Variants in BAZ1B observed in about 807,000 individuals in gnomAD.
BAZ1B encodes the protein tyrosine-protein kinase BAZ1B.
A neutral mutation model predicts 153.8 loss-of-function variants in BAZ1B; 22 were observed. That is an observed-to-expected ratio of 0.14 (90% CI 0.10 to 0.20). BAZ1B has a LOEUF of 0.20. BAZ1B is among the 10% of genes least tolerant of loss of function. The probability of loss-of-function intolerance (pLI) is 1.00; values close to 1 mark genes in which losing one functional copy is unlikely to be tolerated. For missense variants in BAZ1B, 1,325 were observed against 1,799.3 expected (o/e 0.74, Z 4.77); for synonymous variants, 676 against 633.4 (o/e 1.07, Z -1.01).
At chr7:73,487,369 CA>C (rs1323847267) in intron 6 of BAZ1B, among the ~76,000 whole-genome samples, 1 of 152,140 alleles carries the variant, frequency 6.6e-6, no homozygotes, top group Non-Finnish European at 1.5e-5. Context: ...TTTCAGGCTG[CA>C]GTGAACTGTG....
At chr7:73,514,078 T>C (rs1256918766) in intron 1 of BAZ1B, among the ~76,000 whole-genome samples, 2 of 152,174 alleles carry the variant, frequency 1.3e-5, no homozygotes, top group Non-Finnish European at 2.9e-5. Flanking sequence ...GCATCCCAAA[T>C]CCAAATATCC....
intron 6 of BAZ1B, among the ~76,000 whole-genome samples, chr7:73,486,932 C>T (rs1009329656): frequency 1.3e-5 from 2 of 152,310 alleles, no homozygotes; most frequent in Admixed American, 6.5e-5. Flanking sequence ...AGGAAAAACA[C>T]AGCTTATATA....
intron 1 of BAZ1B, among the ~76,000 whole-genome samples, chr7:73,520,057 AAGTT>A (rs1420630461): frequency 2.0e-5 from 3 of 151,928 alleles, no homozygotes; most frequent in Admixed American, 6.6e-5. Flanking sequence ...AAAACACAAA[AAGTT>A]AGCCGGGCGT....
intron 12 of BAZ1B, among the ~76,000 whole-genome samples, chr7:73,460,947 C>T (rs1385338844): frequency 6.6e-6 from 1 of 151,006 alleles, no homozygotes; most frequent in Non-Finnish European, 1.5e-5. Flanking sequence ...ATAACAAGAC[C>T]TATCTCTCTC....
At chr7:73,515,963 G>A (rs1037405938) in intron 1 of BAZ1B, among the ~76,000 whole-genome samples, 7 of 152,032 alleles carry the variant, frequency 4.6e-5, no homozygotes, top group East Asian at 3.9e-4. Context: ...TGGCCAACAC[G>A]GTGAAACCCC....
Position 73,513,410 on chromosome 7 carries a change from G to C in BAZ1B, c.108-2558C>G, listed in dbSNP as rs556664522. Among the ~76,000 whole-genome samples, 10 of 152,248 alleles carry C rather than the reference G, an allele frequency of 6.6e-5. No homozygotes were observed. In the South Asian group the frequency reaches 1.9e-3, roughly 28 times the overall value. On this transcript the variant is annotated intron_variant, in intron 1 of 19. Transcript: ENST00000339594. ...CTTTCCCCAGATCTGCTAAAACTGA[G>C]TAATAAATCCATTTTCCTTACAGGG...
intron 9 of BAZ1B, among the ~76,000 whole-genome samples, chr7:73,468,197 T>G (rs574036486): frequency 5.3e-5 from 8 of 152,324 alleles, no homozygotes; most frequent in African/African-American, 1.9e-4. Context: ...TTCATTAGGT[T>G]ACAGACAGCA....
intron 13 of BAZ1B, among the ~76,000 whole-genome samples, chr7:73,458,856 C>A (rs551191417): frequency 6.6e-6 from 1 of 151,968 alleles, no homozygotes; most frequent in Non-Finnish European, 1.5e-5. Flanking sequence ...AGCAAATCAC[C>A]GCATACCAGC....
At chr7:73,475,910 C>T (rs1423537752) in intron 7 of BAZ1B, among the ~76,000 whole-genome samples, 1 of 128,224 alleles carries the variant, frequency 7.8e-6, no homozygotes, top group Non-Finnish European at 1.6e-5. Flanking sequence ...GGTGACAGAG[C>T]GAGACTCCAT....
intron 1 of BAZ1B, among the ~76,000 whole-genome samples, chr7:73,515,020 C>A (rs1321033048): frequency 6.6e-6 from 1 of 151,894 alleles, no homozygotes; most frequent in African/African-American, 2.4e-5. Flanking sequence ...TGCAGTGAGC[C>A]AAGATCACAC....
At chr7:73,519,406 C>A (rs1554579771) in intron 1 of BAZ1B, among the ~76,000 whole-genome samples, 1 of 152,178 alleles carries the variant, frequency 6.6e-6, no homozygotes, top group Non-Finnish European at 1.5e-5. Context: ...GCCAACCATA[C>A]AGTACAATTG....
Position 73,503,502 on chromosome 7 carries a change from T to G in BAZ1B, c.370-4804A>C, listed in dbSNP as rs145050134. 1.8e-4 allele frequency among the ~76,000 whole-genome samples: 28 copies of G among 152,150 alleles called. No individual in the cohort carries two copies. In the East Asian group the frequency reaches 5.0e-3, roughly 27 times the overall value. ...GCGATCCTCTTGCCTGTCTTCCAAGTAGCTGGGACTACAGAAATGCACCAC... is the reference window on the plus strand; with the variant it reads ...GCGATCCTCTTGCCTGTCTTCCAAGGAGCTGGGACTACAGAAATGCACCAC... On this transcript the variant is annotated intron_variant, in intron 3 of 19. Coordinates refer to ENST00000339594, the MANE Select transcript of BAZ1B (RefSeq NM_032408.4).
intron 10 of BAZ1B, 22 bp downstream of exon 10, chr7:73,466,274 A>T: frequency 6.6e-7 from 1 of 1,524,786 alleles, no homozygotes; most frequent in Non-Finnish European, 9.1e-7. Context: ...AGAAAGAGCA[A>T]CCAGATGAAT....
At chr7:73,464,708 T>C (rs1234622403) in intron 11 of BAZ1B, among the ~76,000 whole-genome samples, 1 of 152,172 alleles carries the variant, frequency 6.6e-6, no homozygotes, top group Non-Finnish European at 1.5e-5. Context: ...TATTTGAATA[T>C]ACTAAATTTT....
At chr7:73,459,389 T>TAAAAA in intron 13 of BAZ1B, 147 bp downstream of exon 13, 1 of 640,752 alleles carries the variant, frequency 1.6e-6, no homozygotes, top group Non-Finnish European at 2.4e-6. Context: ...AGAAAGTGAT[T>TAAAAA]AAAAAAAAAA....
At chr7:73,445,584 A>G in intron 16 of BAZ1B, among the ~76,000 whole-genome samples, 1 of 152,158 alleles carries the variant, frequency 6.6e-6, no homozygotes, top group Non-Finnish European at 1.5e-5. Flanking sequence ...ATCTGCCCTC[A>G]GAGAGATCAG....
intron 11 of BAZ1B, chr7:73,464,264 C>T (rs1788496847): frequency 1.7e-6 from 1 of 598,670 alleles, no homozygotes; most frequent in African/African-American, 2.0e-5. Flanking sequence ...AAATCTTGTC[C>T]TGGCTTTGAT....
chr7:73,490,555 T>C (rs1269856478), intron 5 of BAZ1B, among the ~76,000 whole-genome samples: 2 of 152,130 alleles, frequency 1.3e-5, no homozygotes, highest in Admixed American at 6.6e-5. Flanking sequence ...AAAATACTTA[T>C]ACTCATCAAT....
chr7:73,498,922 T>C (rs1236290775), intron 3 of BAZ1B, among the ~76,000 whole-genome samples: 1 of 152,250 alleles, frequency 6.6e-6, no homozygotes, highest in African/African-American at 2.4e-5. Flanking sequence ...TCTAGGTTCA[T>C]GATTCATGTA....
Sources: gnomAD v4.1 joint callset for allele counts (sites outside exome capture counted in the v4.1 genomes callset) on GRCh38, gnomAD v4.1.1 for gene constraint, MANE v1.5 for transcripts, NCBI Gene and HGNC (gene_info 2026-07-23, HGNC 2026-07-21) for gene names.